The following CLCN6 variants were observed in gnomAD, a reference collection of about 807,000 sequenced individuals.
CLCN6 encodes the protein H(+)/Cl(-) exchange transporter 6.
A neutral mutation model predicts 109.8 loss-of-function variants in CLCN6; 70 were observed. The observed-to-expected ratio is 0.64, with a 90% CI of 0.53 to 0.78. CLCN6 has a LOEUF of 0.78. Ranked by LOEUF, CLCN6 falls within the 30% of genes least tolerant of loss-of-function variation. The pLI is 0.00. For synonymous variants in CLCN6, 444 were observed against 447.8 expected (o/e 0.99, Z 0.11); for missense variants, 984 against 1,142.3 (o/e 0.86, Z 2.00).
Position 11,834,555 on chromosome 1 carries a change from G to A in CLCN6, c.1758G>A (p.Pro586=), listed in dbSNP as rs769227680. ...YDIHVGLRGV[P]LLEWETEVEM... is the part of the protein sequence containing the mutation. Reference sequence around the variant, plus strand: ...TCCACGTGGGCCTGCGAGGCGTGCCGCTTCTGGAATGGGAGACAGAGGTGG... The same window carrying A: ...TCCACGTGGGCCTGCGAGGCGTGCCACTTCTGGAATGGGAGACAGAGGTGG... Residue 586 remains proline (P), a synonymous_variant, in exon 17 of 23, where the codon CCG becomes CCA. Transcript: ENST00000346436. This position sits in a 1 kb window ranked among gnomAD's most constrained non-coding sequence, Gnocchi z 4.5. The A allele has an allele frequency of 5.0e-6, 8 of 1,614,096 alleles. No homozygotes were observed. The highest frequency in any genetic ancestry group is 1.3e-5 in the African/African-American group (1 of 75,038).
intron 6 of CLCN6, among the ~76,000 whole-genome samples, chr1:11,823,489 A>AAG (rs60430839): frequency 1.7e-4 from 26 of 151,400 alleles, no homozygotes; most frequent in African/African-American, 6.1e-4. Context: ...AAAAAAAAAA[A>AAG]GAAAAAAAAG....
chr1:11,838,773 A>G, intron 22 of CLCN6, 113 bp downstream of exon 22: 2 of 1,481,768 alleles, frequency 1.3e-6, no homozygotes, highest in South Asian at 2.3e-5. Flanking sequence ...AGGAGGGGAG[A>G]GTGTGGCCCA....
At chr1:11,837,825 C>T (rs759520704) in intron 20 of CLCN6, among the ~76,000 whole-genome samples, 2 of 152,132 alleles carry the variant, frequency 1.3e-5, no homozygotes, top group African/African-American at 2.4e-5. Context: ...CCCCCATCCT[C>T]GCCACTGTCA....
chr1:11,825,058 C>T (rs192867975), intron 8 of CLCN6, among the ~76,000 whole-genome samples: 1 of 152,330 alleles, frequency 6.6e-6, no homozygotes, highest in African/African-American at 2.4e-5. Context: ...TTACCCCCAT[C>T]CTCAGATGGG....
chr1:11,818,364 A>G (rs1644700522), intron 4 of CLCN6, among the ~76,000 whole-genome samples: 3 of 152,244 alleles, frequency 2.0e-5, no homozygotes, highest in Admixed American at 6.5e-5. Context: ...TGGCGCATTC[A>G]GATTTTGGAT....
rs1644853242 is a variant in CLCN6 at position 11,829,410 on chromosome 1, T to TA, written c.1248+89dup. 2.0e-6 allele frequency: 3 copies of TA among 1,496,302 alleles called. No individual in the cohort carries two copies. The East Asian group carries it at 6.8e-5, about 34-fold the overall frequency. The allele number at this position is 1,496,302 out of a possible 1,614,324, so 92.7% of individuals were successfully genotyped here. On this transcript the variant is annotated intron_variant, in intron 13 of 22. Transcript: ENST00000346436. Reference sequence around the variant, plus strand: ...CCTTCCTCTGTTGAGAACTAATAGATATGTTGGGTTCATCCTTCCACACCC... The same window carrying TA: ...CCTTCCTCTGTTGAGAACTAATAGATAATGTTGGGTTCATCCTTCCACACCC...
chr1:11,808,680 ATCT>A (rs1644556473), intron 2 of CLCN6, among the ~76,000 whole-genome samples: 1 of 93,354 alleles, frequency 1.1e-5, no homozygotes, highest in Non-Finnish European at 2.1e-5. Flanking sequence ...TTCTTCCTTC[ATCT>A]TTTTTTTTTT....
chr1:11,835,555 G>A (rs1052779812), intron 17 of CLCN6, among the ~76,000 whole-genome samples: 26 of 152,158 alleles, frequency 1.7e-4, no homozygotes, highest in African/African-American at 4.6e-4. Flanking sequence ...GATTACATGC[G>A]TGAGCCGCTG....
At chr1:11,819,753 G>T (rs1181593689) in intron 5 of CLCN6, among the ~76,000 whole-genome samples, 199 bp downstream of exon 5, 1 of 152,216 alleles carries the variant, frequency 6.6e-6, no homozygotes, top group Non-Finnish European at 1.5e-5. Flanking sequence ...GTTTGTGGTT[G>T]ATAAGATTAC....
Position 11,842,274 on chromosome 1 carries a change from A to C in CLCN6, c.*2051A>C, listed in dbSNP as rs979229043. 9 of 152,726 alleles carry C rather than the reference A, an allele frequency of 5.9e-5. No homozygotes were observed. Among genetic ancestry groups the C allele is most frequent in the Middle Eastern group, 3.4e-3 (1 of 294 alleles). The allele number at this position is 152,726 out of a possible 1,614,324, so 9.5% of individuals were successfully genotyped here. On this transcript the variant is annotated 3_prime_UTR_variant, in exon 23 of 23. Transcript: ENST00000346436. ...CCCTCGTGCACATCCTGTTGTGTTTAAGTCACCAGATATTTTGTTCCCATC... is the reference window on the plus strand; with the variant it reads ...CCCTCGTGCACATCCTGTTGTGTTTCAGTCACCAGATATTTTGTTCCCATC...
chr1:11,827,985 TG>T (rs1443414486), intron 10 of CLCN6, 120 bp from the exon 11 acceptor site: 5 of 743,778 alleles, frequency 6.7e-6, no homozygotes, highest in Non-Finnish European at 1.2e-5. Flanking sequence ...ACTAGATCTC[TG>T]TACCCGGATG....
At chr1:11,826,997 T>A (rs968434475) in intron 9 of CLCN6, 92 bp from the exon 10 acceptor site, 5 of 1,486,262 alleles carry the variant, frequency 3.4e-6, no homozygotes, top group Non-Finnish European at 4.6e-6. Context: ...CATTCACAGG[T>A]GTGAGAAAAT....
chr1:11,836,234 T>C, intron 18 of CLCN6, 81 bp downstream of exon 18: 7 of 1,310,494 alleles, frequency 5.3e-6, no homozygotes, highest in Non-Finnish European at 7.3e-6. Context: ...TGCCCACCCC[T>C]GGCTGGGGTG....
At chr1:11,824,436 A>C (rs547643862) in intron 7 of CLCN6, 50 bp from the exon 8 acceptor site, 2 of 1,489,432 alleles carry the variant, frequency 1.3e-6, no homozygotes, top group South Asian at 1.2e-5. Flanking sequence ...CTCCTGACCC[A>C]GGGGCGTTTC....
chr1:11,816,379 C>G (rs911354049), intron 3 of CLCN6, among the ~76,000 whole-genome samples: 3 of 152,158 alleles, frequency 2.0e-5, no homozygotes, highest in Admixed American at 6.5e-5. Flanking sequence ...CCTATGTTGG[C>G]ATTTATTCCC....
Position 11,828,403 on chromosome 1 carries a change from C to T in CLCN6, c.955-55C>T, listed in dbSNP as rs929582897. On this transcript the variant is annotated intron_variant, in intron 11 of 22. Coordinates refer to ENST00000346436, the MANE Select transcript of CLCN6 (RefSeq NM_001286.5). ...CTTCTGTCTTCTCTTCTGTCTCTTC[C>T]GGTTCTCATGGCTGCTATGGTTTTT... 27 of 1,601,296 alleles carry T rather than the reference C, an allele frequency of 1.7e-5. No homozygotes were observed. The African/African-American group carries it at 2.4e-4, about 14-fold the overall frequency.
intron 17 of CLCN6, among the ~76,000 whole-genome samples, chr1:11,835,752 G>C (rs1218917903): frequency 1.3e-5 from 2 of 152,194 alleles, no homozygotes; most frequent in African/African-American, 4.8e-5. Context: ...CCATCAGCCT[G>C]GTACAGCAGG....
At chr1:11,830,748 T>C (rs1467534805) in intron 13 of CLCN6, among the ~76,000 whole-genome samples, 1 of 128,002 alleles carries the variant, frequency 7.8e-6, no homozygotes, top group Admixed American at 7.6e-5. Flanking sequence ...TATATATATA[T>C]ATATATATAT....
At position 11,822,688 on chromosome 1, in the gene CLCN6, T is replaced by G; in HGVS notation, c.347-7T>G. ...ATGAACAAGTTTCCTTAACCCAGTT[T>G]CCGCAGCGGTGGAGGAGTGCAGCCA... is the stretch of plus-strand genomic sequence containing the variant. On this transcript the variant is annotated splice_polypyrimidine_tract_variant and splice_region_variant and intron_variant, in intron 5 of 22. Coordinates refer to ENST00000346436, the MANE Select transcript of CLCN6 (RefSeq NM_001286.5). 6.3e-7 allele frequency: 1 copy of G among 1,596,552 alleles called. No homozygotes were observed. The highest frequency in any genetic ancestry group is 8.6e-7 in the Non-Finnish European group (1 of 1,164,344).
Sources: allele counts gnomAD v4.1 joint callset (sites outside exome capture counted in the v4.1 genomes callset), GRCh38; gene constraint gnomAD v4.1.1; non-coding constraint Gnocchi (gnomAD v3.1); transcripts MANE v1.5; gene names NCBI Gene and HGNC (gene_info 2026-07-23, HGNC 2026-07-21).